SLC25A21: variants seen among roughly 807,000 people sequenced by gnomAD.
SLC25A21 encodes the protein mitochondrial 2-oxodicarboxylate carrier.
A neutral mutation model predicts 43.8 loss-of-function variants in SLC25A21; 47 were observed. The observed-to-expected ratio is 1.07, with a 90% CI of 0.85 to 1.37. The LOEUF (loss-of-function observed/expected upper bound fraction) is 1.37, where lower values mean the gene tolerates loss of function less well. Ranked by LOEUF, SLC25A21 falls within the 40% of genes most tolerant of loss-of-function variation. The probability of loss-of-function intolerance (pLI) is 0.00; values close to 1 mark genes in which losing one functional copy is unlikely to be tolerated. For synonymous variants in SLC25A21, 131 were observed against 121.3 expected (o/e 1.08, Z -0.52); for missense variants, 352 against 350.2 (o/e 1.00, Z -0.04).
intron 1 of SLC25A21, among the ~76,000 whole-genome samples, chr14:37,081,268 A>C (rs1256394810): frequency 1.3e-5 from 2 of 152,232 alleles, no homozygotes; most frequent in East Asian, 3.8e-4. Flanking sequence ...ACTTGGGTAC[A>C]TCTCCCCTAA....
chr14:36,750,176 A>G (rs1885651651), intron 3 of SLC25A21, among the ~76,000 whole-genome samples: 1 of 152,200 alleles, frequency 6.6e-6, no homozygotes, highest in Non-Finnish European at 1.5e-5. Flanking sequence ...CTATTCTAAG[A>G]TCAATCTCTT....
At chr14:36,705,444 C>T (rs1883494983) in intron 7 of SLC25A21, among the ~76,000 whole-genome samples, 1 of 152,128 alleles carries the variant, frequency 6.6e-6, no homozygotes, top group African/African-American at 2.4e-5. Context: ...TGAGGTTCTG[C>T]TACATTTTTC....
At chr14:36,683,910 TTATTCTGAAAATA>T (rs1882408691) in intron 8 of SLC25A21, 30 bp from the exon 9 acceptor site, 1 of 1,559,880 alleles carries the variant, frequency 6.4e-7, no homozygotes, top group Non-Finnish European at 8.8e-7. Context: ...AGAAACGTTC[TTATTCTGAAAATA>T]AATGGAGTTG....
intron 1 of SLC25A21, among the ~76,000 whole-genome samples, chr14:37,019,266 T>C (rs1960932102): frequency 6.6e-6 from 1 of 151,850 alleles, no homozygotes; most frequent in Admixed American, 6.6e-5. Context: ...CTTCCTTATC[T>C]TGGAACTTTG....
chr14:36,773,791 C>A (rs191404480), intron 3 of SLC25A21, among the ~76,000 whole-genome samples: 95 of 152,288 alleles, frequency 6.2e-4, no homozygotes, highest in Middle Eastern at 3.4e-3. Context: ...ACTTACCCAG[C>A]CAGGTCTCTA....
chr14:36,914,374 T>C (rs986392399), intron 1 of SLC25A21, among the ~76,000 whole-genome samples: 2 of 152,176 alleles, frequency 1.3e-5, no homozygotes, highest in Admixed American at 6.5e-5. Context: ...AATGCAGCAG[T>C]TGATTGCCAA....
intron 7 of SLC25A21, among the ~76,000 whole-genome samples, chr14:36,701,080 T>C (rs1457658869): frequency 6.6e-6 from 1 of 152,226 alleles, no homozygotes; most frequent in Non-Finnish European, 1.5e-5. Flanking sequence ...GCTCTCACTA[T>C]ACAACTTTCA....
intron 1 of SLC25A21, among the ~76,000 whole-genome samples, chr14:36,982,973 T>C (rs558546882): frequency 6.6e-6 from 1 of 152,354 alleles, no homozygotes; most frequent in African/African-American, 2.4e-5. Context: ...TAATTTCCTT[T>C]GAGTTTTTTC....
At chr14:37,148,446 T>C (rs1314861080) in intron 1 of SLC25A21, among the ~76,000 whole-genome samples, 2 of 152,196 alleles carry the variant, frequency 1.3e-5, no homozygotes, top group African/African-American at 2.4e-5. Context: ...ATGTTTTGTC[T>C]TCATTGTTGC....
intron 1 of SLC25A21, among the ~76,000 whole-genome samples, chr14:36,925,255 T>A (rs1892098818): frequency 6.6e-6 from 1 of 152,126 alleles, no homozygotes; most frequent in Non-Finnish European, 1.5e-5. Context: ...ACATTAAATG[T>A]AAAAGGTTTA....
intron 1 of SLC25A21, among the ~76,000 whole-genome samples, chr14:36,967,087 C>T (rs547449729): frequency 1.3e-5 from 2 of 152,248 alleles, no homozygotes; most frequent in East Asian, 3.9e-4. Context: ...ATTTTTCCTC[C>T]TTTTGAATGG....
chr14:37,007,455 T>G (rs1566810105), intron 1 of SLC25A21, among the ~76,000 whole-genome samples: 1 of 151,804 alleles, frequency 6.6e-6, no homozygotes. Flanking sequence ...ATACAAAAAT[T>G]AGCCAGCCAT....
chr14:36,977,906 CTT>C (rs985568906), intron 1 of SLC25A21, among the ~76,000 whole-genome samples: 15 of 146,206 alleles, frequency 1.0e-4, no homozygotes, highest in Non-Finnish European at 1.8e-4. Flanking sequence ...TTCTTTCTCT[CTT>C]TTATTTCACA....
intron 4 of SLC25A21, among the ~76,000 whole-genome samples, chr14:36,731,104 C>T (rs1252595683): frequency 6.6e-6 from 1 of 151,842 alleles, no homozygotes; most frequent in Non-Finnish European, 1.5e-5. Flanking sequence ...TCCCGAGTAG[C>T]TGGGACTACA....
rs920312122 is a variant in SLC25A21, at chr14:36,680,106, T to G, written c.*552A>C. 4 of 880,590 alleles carry G rather than the reference T, an allele frequency of 4.5e-6. No homozygotes were observed. Among genetic ancestry groups the G allele is most frequent in the South Asian group, 1.1e-4 (2 of 18,832 alleles). 54.5% of individuals were successfully genotyped at this position (880,590 alleles called of 1,614,324 possible). A position where few individuals can be genotyped will look rare whatever the true frequency, so the allele number is the denominator to read the frequency against. ...AACAGATTTACATTTTAACATAGTA[T>G]TCATAAAATTAAACATTCTTAAAAG... is the stretch of plus-strand genomic sequence containing the variant. On this transcript the variant is annotated 3_prime_UTR_variant, in exon 10 of 10. Transcript: ENST00000331299.
intron 1 of SLC25A21, among the ~76,000 whole-genome samples, chr14:37,146,859 C>T (rs1452402051): frequency 1.3e-5 from 2 of 152,070 alleles, no homozygotes; most frequent in East Asian, 1.9e-4. Context: ...TCATATACGC[C>T]GCACAAAACA....
At chr14:36,930,106 A>C (rs1024195062) in intron 1 of SLC25A21, among the ~76,000 whole-genome samples, 1 of 152,140 alleles carries the variant, frequency 6.6e-6, no homozygotes, top group African/African-American at 2.4e-5. Context: ...AGTTAGGAAG[A>C]CTTCAGATGC....
chr14:36,756,775 C>T (rs1224960565), intron 3 of SLC25A21, among the ~76,000 whole-genome samples: 3 of 152,148 alleles, frequency 2.0e-5, no homozygotes, highest in Non-Finnish European at 2.9e-5. Context: ...AATGTTTCAT[C>T]ATAAAAGCAA....
intron 1 of SLC25A21, among the ~76,000 whole-genome samples, chr14:37,049,329 T>C (rs1023005969): frequency 1.3e-5 from 2 of 152,156 alleles, no homozygotes; most frequent in African/African-American, 2.4e-5. Context: ...CACAGCACTT[T>C]GGCAGGCCAA....
Sources: gnomAD v4.1 joint callset for allele counts (sites outside exome capture counted in the v4.1 genomes callset) on GRCh38, gnomAD v4.1.1 for gene constraint, MANE v1.5 for transcripts, NCBI Gene and HGNC (gene_info 2026-07-23, HGNC 2026-07-21) for gene names.